Variants in TMEM175 observed in about 807,000 individuals in gnomAD.
TMEM175 encodes the protein endosomal/lysosomal proton channel TMEM175.
TMEM175 carries 36 observed loss-of-function variants against 36.5 expected under a neutral mutation model. The observed-to-expected ratio is 0.99, with a 90% CI of 0.76 to 1.30. The LOEUF (loss-of-function observed/expected upper bound fraction) is 1.30. Among genes scored for constraint, TMEM175 ranks in the 50% most tolerant of loss-of-function variants. The pLI, the probability that TMEM175 is intolerant of heterozygous loss-of-function variation, is 0.00. For synonymous variants in TMEM175, 339 were observed against 313.4 expected (o/e 1.08, Z -0.86); for missense variants, 705 against 692.8 (o/e 1.02, Z -0.20).
chr4:957,270 G>A (rs1463180599), intron 10 of TMEM175, among the ~76,000 whole-genome samples: 1 of 152,144 alleles, frequency 6.6e-6, no homozygotes, highest in Non-Finnish European at 1.5e-5. Flanking sequence ...GTTGAAGGAC[G>A]ACACTGTTCC....
chr4:951,895 G>A (rs545352015), intron 6 of TMEM175, 178 bp downstream of exon 6: 140 of 675,598 alleles, frequency 2.1e-4, no homozygotes, highest in East Asian at 2.0e-3. Flanking sequence ...TCAGGCTGGC[G>A]GGGAGGGGAG....
chr4:947,898 TA>T lies in TMEM175; in HGVS notation c.153+7del, dbSNP rs1728383578. On this transcript the variant is annotated splice_region_variant and intron_variant, in intron 2 of 10. Coordinates refer to ENST00000264771, the MANE Select transcript of TMEM175 (RefSeq NM_032326.4). ...CCATCATCGCCACCGTCATGGTCTG[TA>T]CGGGGCCCCTGCTTAGGCCTGCCCC... 6.2e-7 allele frequency: 1 copy of T among 1,613,848 alleles called. No individual in the cohort carries two copies. The highest frequency in any genetic ancestry group is 1.6e-4 in the Middle Eastern group (1 of 6,062).
At chr4:937,280 T>C (rs1003155163) in intron 1 of TMEM175, among the ~76,000 whole-genome samples, 7 of 152,196 alleles carry the variant, frequency 4.6e-5, no homozygotes, top group Non-Finnish European at 1.0e-4. Flanking sequence ...GACTCCAGAC[T>C]TGGCTGGGCA....
intron 1 of TMEM175, among the ~76,000 whole-genome samples, chr4:947,307 C>CG (rs1728306747): frequency 6.7e-6 from 1 of 149,974 alleles, no homozygotes; most frequent in Non-Finnish European, 1.5e-5. Context: ...CACGTGTGCA[C>CG]GGGCCCTGTA....
intron 1 of TMEM175, among the ~76,000 whole-genome samples, chr4:937,423 C>T (rs1288093483): frequency 6.6e-6 from 1 of 152,108 alleles, no homozygotes; most frequent in East Asian, 1.9e-4. Context: ...AATTACCCAG[C>T]ATGGTGGTAG....
intron 3 of TMEM175, 71 bp from the exon 4 acceptor site, chr4:950,350 G>T (rs564225591): frequency 7.8e-7 from 1 of 1,282,610 alleles, no homozygotes; most frequent in Admixed American, 1.7e-5. Flanking sequence ...CCCCCTCACG[G>T]TGCTGTCTCG....
chr4:951,863 G>A (rs1226153295), intron 6 of TMEM175, 146 bp downstream of exon 6: 9 of 852,406 alleles, frequency 1.1e-5, no homozygotes, highest in Non-Finnish European at 1.5e-5. Flanking sequence ...AGAGCCAGCT[G>A]TTGGGCTGTT....
intron 1 of TMEM175, among the ~76,000 whole-genome samples, chr4:947,394 C>T (rs751132815): frequency 1.3e-5 from 2 of 152,318 alleles, no homozygotes; most frequent in Non-Finnish European, 2.9e-5. Context: ...ACGTTTAGGT[C>T]GGCCTTGGGG....
rs889798484 is a variant in TMEM175, at chr4:951,141, AGTGTGT to A, written c.291-62_291-57del. On this transcript the variant is annotated intron_variant, in intron 4 of 10. Coordinates refer to ENST00000264771, the MANE Select transcript of TMEM175 (RefSeq NM_032326.4). Reference sequence around the variant, plus strand: ...GTTTTAACCAGAAGATGCTGGAAAGAGTGTGTGTGCATTTAATGTTACTACAACCGC... The same window carrying A: ...GTTTTAACCAGAAGATGCTGGAAAGAGTGCATTTAATGTTACTACAACCGC... 1.0e-5 allele frequency: 14 copies of A among 1,387,198 alleles called. No homozygotes were observed. The African/African-American group carries it at 1.8e-4, about 18-fold the overall frequency. The allele number at this position is 1,387,198 out of a possible 1,614,324, so 85.9% of individuals were successfully genotyped here.
intron 3 of TMEM175, among the ~76,000 whole-genome samples, chr4:948,970 G>A (rs933173314): frequency 1.3e-5 from 2 of 152,288 alleles, no homozygotes; most frequent in East Asian, 3.9e-4. Flanking sequence ...AATGCGGGTG[G>A]AGCCTGGCCC....
chr4:937,766 A>G (rs1238224646), intron 1 of TMEM175, among the ~76,000 whole-genome samples: 3 of 152,266 alleles, frequency 2.0e-5, no homozygotes, highest in African/African-American at 7.2e-5. Flanking sequence ...TCTCTTGTGA[A>G]CATAGACAAG....
intron 4 of TMEM175, among the ~76,000 whole-genome samples, chr4:950,830 T>TGGTGTGGATGGTGCAGTAGGCGGA (rs1553907162): frequency 3.1e-3 from 319 of 101,602 alleles, no homozygotes; most frequent in African/African-American, 6.3e-3. Flanking sequence ...GAGGTGTGGA[T>TGGTGTGGATGGTGCAGTAGGCGGA]GGTGTGGATG....
chr4:939,757 T>G (rs1727213715), intron 1 of TMEM175, among the ~76,000 whole-genome samples: 1 of 152,162 alleles, frequency 6.6e-6, no homozygotes. Context: ...CCTAGCATTA[T>G]GTATAAAAGT....
chr4:950,129 C>T (rs1429206940), intron 3 of TMEM175, among the ~76,000 whole-genome samples: 1 of 151,560 alleles, frequency 6.6e-6, no homozygotes, highest in African/African-American at 2.4e-5. Flanking sequence ...CTCTGGAGTA[C>T]ACCTGTGGGT....
Position 955,463 on chromosome 4 carries a change from G to A in TMEM175, c.686G>A (p.Trp229Ter). 6.2e-7 allele frequency: 1 copy of A among 1,614,158 alleles called. No individual in the cohort carries two copies. The highest frequency in any genetic ancestry group is 8.5e-7 in the Non-Finnish European group (1 of 1,180,006). Residue 229 changes from tryptophan to a stop codon, truncating the protein, a stop_gained, in exon 9 of 11, where the codon TGG becomes TAG. Coordinates refer to ENST00000264771, the MANE Select transcript of TMEM175 (RefSeq NM_032326.4). LOFTEE classifies it high-confidence loss of function. The part of the protein sequence containing the change: ...LLPYVSKVTG[W>*]CRDRLLGHRE... ...CCCTATGTCAGCAAGGTCACCGGCT[G>A]GTGCAGAGACAGGCTCCTGGGTAGG...
At position 953,208 on chromosome 4, in the gene TMEM175, G is replaced by T; in HGVS notation, c.481G>T (p.Ala161Ser). Reference protein sequence around the residue: ...GVVQALIVGYAFHFPHLLSPQ... With the variant: ...GVVQALIVGYSFHFPHLLSPQ... ...CCCGCAGGCACTGATTGTGGGGTACGCATTCCACTTCCCGCACCTGCTGAG... is the reference window on the plus strand; with the variant it reads ...CCCGCAGGCACTGATTGTGGGGTACTCATTCCACTTCCCGCACCTGCTGAG... The change falls in exon 8 of 11, where the codon GCA (alanine) becomes TCA (serine). Residue 161 changes from alanine (A) to serine (S), a missense_variant. By Grantham distance (99) the Ala-to-Ser change is moderately conservative. Coordinates refer to ENST00000264771, the MANE Select transcript of TMEM175 (RefSeq NM_032326.4). 2 of 1,611,096 alleles carry T rather than the reference G, an allele frequency of 1.2e-6. No individual in the cohort carries two copies. Among genetic ancestry groups the T allele is most frequent in the Non-Finnish European group, 8.5e-7 (1 of 1,178,294 alleles).
intron 5 of TMEM175, among the ~76,000 whole-genome samples, 164 bp downstream of exon 5, chr4:951,422 A>G (rs1728873747): frequency 6.6e-6 from 1 of 152,106 alleles, no homozygotes; most frequent in South Asian, 2.1e-4. Flanking sequence ...TTCCCTCCCC[A>G]TGGGTCGCCA....
chr4:954,852 G>A (rs28504033), intron 8 of TMEM175, among the ~76,000 whole-genome samples: 57,029 of 151,996 alleles, frequency 0.38, 11,062 homozygotes, highest in African/African-American at 0.45. Flanking sequence ...GAAGAATCTC[G>A]TTGTGGTTTT....
rs1252293232 is a variant in TMEM175 at position 947,717 on chromosome 4, A to G, written c.-23A>G. On this transcript the variant is annotated 5_prime_UTR_variant, in exon 2 of 11. Coordinates refer to ENST00000264771, the MANE Select transcript of TMEM175 (RefSeq NM_032326.4). ...CCTGCCTTTCCTCCCAGGCTCCTGT[A>G]ACCGCCAGGCAGCGGCCCCGCCATG... is the stretch of plus-strand genomic sequence containing the variant. The G allele has an allele frequency of 1.9e-6, 3 of 1,582,748 alleles. No homozygotes were observed. Among genetic ancestry groups the G allele is most frequent in the Admixed American group, 1.7e-5 (1 of 57,412 alleles).
Sources: allele counts gnomAD v4.1 joint callset (sites outside exome capture counted in the v4.1 genomes callset), GRCh38; gene constraint gnomAD v4.1.1; transcripts MANE v1.5; gene names NCBI Gene and HGNC (gene_info 2026-07-23, HGNC 2026-07-21).